Variants in TUSC3 observed in about 807,000 individuals in gnomAD.
TUSC3 encodes the protein dolichyl-diphosphooligosaccharide--protein glycosyltransferase subunit TUSC3.
A neutral mutation model predicts 44.8 loss-of-function variants in TUSC3; 45 were observed. The observed-to-expected ratio is 1.00, with a 90% CI of 0.79 to 1.29. TUSC3 has a LOEUF of 1.29. Among genes scored for constraint, TUSC3 ranks in the 50% most tolerant of loss-of-function variants. TUSC3 has a pLI of 0.00. For missense variants in TUSC3, 519 were observed against 437.9 expected (o/e 1.19, Z -1.65); for synonymous variants, 212 against 152.9 (o/e 1.39, Z -2.85).
Position 15,542,786 on chromosome 8 carries a change from T to C in TUSC3, c.138+2218T>C, listed in dbSNP as rs566802013. On this transcript the variant is annotated intron_variant, in intron 1 of 10. Transcript: ENST00000503731. The stretch of plus-strand genomic sequence containing the variant: ...TAAAAAAGTTTTTCTTGCAAATTAG[T>C]TTTATTTCTCCTAAGTAGGAGCACT... Among the ~76,000 whole-genome samples the C allele has an allele frequency of 3.9e-5, 6 of 152,342 alleles. No individual in the cohort carries two copies. The South Asian group carries it at 1.2e-3, about 32-fold the overall frequency.
At chr8:15,788,012 T>C in the TUSC3 span, among the ~76,000 whole-genome samples, 1 of 152,218 alleles carries the variant, frequency 6.6e-6, no homozygotes, top group African/African-American at 2.4e-5. Flanking sequence ...TACATAACTT[T>C]CAGGGGAACA....
the TUSC3 span, among the ~76,000 whole-genome samples, chr8:15,817,816 T>C: frequency 1.3e-5 from 2 of 152,294 alleles, no homozygotes; most frequent in African/African-American, 2.4e-5. Flanking sequence ...CTAGTAAAGA[T>C]CTTGTCCCCA....
intron 6 of TUSC3, among the ~76,000 whole-genome samples, chr8:15,722,293 C>G (rs1170623842): frequency 6.7e-6 from 1 of 148,922 alleles, no homozygotes; most frequent in Non-Finnish European, 1.5e-5. Context: ...GACTACCAGT[C>G]TTATTGACAG....
intron 5 of TUSC3, among the ~76,000 whole-genome samples, chr8:15,665,135 G>A (rs144437525): frequency 1.2e-3 from 180 of 151,510 alleles, no homozygotes; most frequent in African/African-American, 4.2e-3. Flanking sequence ...TTTTAAATTT[G>A]CCAAAATATT....
chr8:15,624,234 C>T (rs935234024), intron 2 of TUSC3, among the ~76,000 whole-genome samples: 34 of 152,164 alleles, frequency 2.2e-4, no homozygotes, highest in Admixed American at 1.8e-3. Flanking sequence ...TTAAAGGAAT[C>T]GGGGTCGTTT....
chr8:15,761,643 T>C (rs1451346618), intron 10 of TUSC3, among the ~76,000 whole-genome samples: 1 of 152,178 alleles, frequency 6.6e-6, no homozygotes, highest in Non-Finnish European at 1.5e-5. Flanking sequence ...GTGCGATTCG[T>C]TCATGACTGA....
chr8:15,425,057 C>A (rs981145270), intron 1 of TUSC3, among the ~76,000 whole-genome samples: 1 of 151,970 alleles, frequency 6.6e-6, no homozygotes, highest in Non-Finnish European at 1.5e-5. Flanking sequence ...AGGAAGAATC[C>A]TAGGAATGAG....
chr8:15,592,302 A>T (rs1803876521), intron 1 of TUSC3, among the ~76,000 whole-genome samples: 1 of 152,234 alleles, frequency 6.6e-6, no homozygotes, highest in Non-Finnish European at 1.5e-5. Flanking sequence ...TAGCAGTAAC[A>T]TCTAATGCTT....
At chr8:15,499,229 C>T (rs1034676637) in intron 2 of TUSC3, among the ~76,000 whole-genome samples, 1 of 152,144 alleles carries the variant, frequency 6.6e-6, no homozygotes, top group African/African-American at 2.4e-5. Context: ...CTCTCTCTTA[C>T]CTGAAATTAT....
At chr8:15,434,848 C>A (rs1585787470) in intron 1 of TUSC3, among the ~76,000 whole-genome samples, 1 of 151,994 alleles carries the variant, frequency 6.6e-6, no homozygotes, top group African/African-American at 2.4e-5. Context: ...ATCCATGTCC[C>A]TACAAAGGAC....
At chr8:15,829,435 C>G in the TUSC3 span, among the ~76,000 whole-genome samples, 788 of 152,222 alleles carry the variant, frequency 5.2e-3, 6 homozygotes, top group African/African-American at 0.018. Context: ...TCAAACTTTT[C>G]AATCTTTGCC....
At chr8:15,840,631 A>G in the TUSC3 span, among the ~76,000 whole-genome samples, 1 of 152,278 alleles carries the variant, frequency 6.6e-6, no homozygotes, top group South Asian at 2.1e-4. Context: ...GTTAAAAATC[A>G]ATAGTTTTAT....
Position 15,662,405 on chromosome 8 carries a change from G to C in TUSC3, c.708+109G>C. 6 of 1,458,884 alleles carry C rather than the reference G, an allele frequency of 4.1e-6. No individual in the cohort carries two copies. The South Asian group carries it at 7.2e-5, about 18-fold the overall frequency. The allele number at this position is 1,458,884 out of a possible 1,614,324, so 90.4% of individuals were successfully genotyped here. On this transcript the variant is annotated intron_variant, in intron 5 of 10. Transcript: ENST00000503731. ...TATAACTATAATAGAACTTAAGTCT[G>C]AATGAGAAGTAACTTTTTAGAACTT...
intron 6 of TUSC3, among the ~76,000 whole-genome samples, chr8:15,683,433 A>G (rs151014900): frequency 0.011 from 1,706 of 152,000 alleles, 11 homozygotes; most frequent in Non-Finnish European, 0.018. Flanking sequence ...GATCTAGTCT[A>G]TTGTTAAGAC....
intron 6 of TUSC3, among the ~76,000 whole-genome samples, chr8:15,711,968 A>G (rs978175616): frequency 1.3e-5 from 2 of 151,976 alleles, no homozygotes; most frequent in African/African-American, 4.8e-5. Flanking sequence ...CTTCATGAAT[A>G]TTATTGTTGT....
chr8:15,730,056 A>G (rs1221407576), intron 6 of TUSC3, among the ~76,000 whole-genome samples: 6 of 152,096 alleles, frequency 3.9e-5, no homozygotes, highest in Non-Finnish European at 5.9e-5. Context: ...TTCGTAAGAG[A>G]GATTATCAGC....
intron 1 of TUSC3, among the ~76,000 whole-genome samples, chr8:15,566,420 C>T (rs182089932): frequency 6.6e-6 from 1 of 151,940 alleles, no homozygotes; most frequent in Admixed American, 6.6e-5. Context: ...TGAACATGTG[C>T]TATTGTTACC....
Position 15,728,846 on chromosome 8 carries a change from G to A in TUSC3, c.799-1820G>A, listed in dbSNP as rs545908471. On this transcript the variant is annotated intron_variant, in intron 6 of 10. Coordinates refer to ENST00000503731, the MANE Select transcript of TUSC3 (RefSeq NM_006765.4). The stretch of plus-strand genomic sequence containing the variant: ...AAGGAACAGCCTTCTCCTTCCGGAG[G>A]AGGAGGAGCCAATGAGGTAGACTCA... 2.6e-4 allele frequency among the ~76,000 whole-genome samples: 40 copies of A among 152,234 alleles called. No individual in the cohort carries two copies. The South Asian group carries it at 7.5e-3, about 28-fold the overall frequency.
chr8:15,489,740 G>C (rs1380533579), intron 2 of TUSC3, among the ~76,000 whole-genome samples: 1 of 152,132 alleles, frequency 6.6e-6, no homozygotes, highest in Admixed American at 6.5e-5. Context: ...GAATTCAAAA[G>C]GGAGAAAAGT....
Sources: gnomAD v4.1 joint callset for allele counts (sites outside exome capture counted in the v4.1 genomes callset) on GRCh38, gnomAD v4.1.1 for gene constraint, MANE v1.5 for transcripts, NCBI Gene and HGNC (gene_info 2026-07-23, HGNC 2026-07-21) for gene names.